Variants in STK32B observed in about 807,000 individuals in gnomAD.
STK32B encodes serine/threonine-protein kinase 32B.
In STK32B, 43 loss-of-function variants were observed where a neutral mutation model predicts 52.6. That is an observed-to-expected ratio of 0.82 (90% CI 0.64 to 1.05). STK32B has a LOEUF of 1.05. Among genes scored for constraint, STK32B ranks in the 50% least tolerant of loss-of-function variants. The pLI is 0.00. For missense variants in STK32B, 621 were observed against 534.6 expected, an observed-to-expected ratio of 1.16 and a Z score of -1.59; for synonymous variants, 238 against 204.3, an observed-to-expected ratio of 1.17 and a Z score of -1.41.
At chr4:5,040,431 G>A in the STK32B span, among the ~76,000 whole-genome samples, 4 of 138,826 alleles carry the variant, frequency 2.9e-5, no homozygotes, top group South Asian at 9.2e-4. Context: ...GTCTCGCTGT[G>A]TCGCCAGGCT....
rs116256652 is a variant in STK32B at position 5,317,797 on chromosome 4, T to C, written c.261-13423T>C. ...TAAGAGTTATTGACTTAAAAATCTA[T>C]TGATGAGCTGCTGTGTTCAGTAGGC... On this transcript the variant is annotated intron_variant, in intron 3 of 11. Transcript: ENST00000282908. Among the ~76,000 whole-genome samples the C allele has an allele frequency of 3.6e-3, 553 of 151,944 alleles. 3 individuals carry two copies. Among genetic ancestry groups the C allele is most frequent in the African/African-American group, 0.012 (499 of 41,408 alleles).
At chr4:5,101,695 G>A (rs1205085732) in intron 1 of STK32B, among the ~76,000 whole-genome samples, 1 of 151,972 alleles carries the variant, frequency 6.6e-6, no homozygotes, top group East Asian at 1.9e-4. Flanking sequence ...TCTTTAATTT[G>A]CATTTCCACC....
At chr4:5,261,557 T>G (rs781459667) in intron 3 of STK32B, among the ~76,000 whole-genome samples, 58 of 152,178 alleles carry the variant, frequency 3.8e-4, no homozygotes, top group Middle Eastern at 3.2e-3. Flanking sequence ...TCTGCAGAGT[T>G]TGCATTTTTA....
At chr4:5,176,438 C>CTTTTT (rs34628636) in intron 3 of STK32B, among the ~76,000 whole-genome samples, 2 of 111,958 alleles carry the variant, frequency 1.8e-5, no homozygotes, top group African/African-American at 7.1e-5. Flanking sequence ...CGGCCATCAT[C>CTTTTT]TTTTTTTTTT....
chr4:5,038,294 C>A, the STK32B span, among the ~76,000 whole-genome samples: 3 of 152,132 alleles, frequency 2.0e-5, no homozygotes, highest in Admixed American at 6.6e-5. Flanking sequence ...TTGGCCTCAA[C>A]GAGTCTGCAT....
the STK32B span, among the ~76,000 whole-genome samples, chr4:5,042,098 T>G: frequency 3.3e-4 from 51 of 152,322 alleles, no homozygotes; most frequent in African/African-American, 1.1e-3. Context: ...CTTGATTGTG[T>G]TCTCAGCAAG....
intron 1 of STK32B, among the ~76,000 whole-genome samples, chr4:5,063,310 C>A (rs187556220): frequency 6.6e-6 from 1 of 152,144 alleles, no homozygotes; most frequent in African/African-American, 2.4e-5. Context: ...TTTAATAATA[C>A]ATTTTATTTA....
intron 6 of STK32B, chr4:5,435,979 T>A (rs1714033417): frequency 2.6e-5 from 4 of 152,062 alleles, no homozygotes; most frequent in Admixed American, 2.6e-4. Flanking sequence ...CTTCTGTGAG[T>A]TGGGAAAGAG....
At chr4:5,377,814 G>T (rs1444458083) in intron 4 of STK32B, among the ~76,000 whole-genome samples, 1 of 152,164 alleles carries the variant, frequency 6.6e-6, no homozygotes, top group Admixed American at 6.5e-5. Flanking sequence ...ATGATTGTCA[G>T]TTTCCTGAGG....
At chr4:5,422,257 G>T (rs772685682) in intron 6 of STK32B, among the ~76,000 whole-genome samples, 1 of 152,214 alleles carries the variant, frequency 6.6e-6, no homozygotes, top group East Asian at 1.9e-4. Context: ...TTAAGGGAGA[G>T]CTCTCTCAAT....
intron 4 of STK32B, among the ~76,000 whole-genome samples, chr4:5,391,626 C>T (rs1011584099): frequency 1.3e-5 from 2 of 152,024 alleles, no homozygotes; most frequent in African/African-American, 2.4e-5. Context: ...CCAAGATGGT[C>T]TGGCCTGGCT....
At chr4:5,138,254 CTT>C (rs1440581144) in intron 1 of STK32B, among the ~76,000 whole-genome samples, 1 of 152,238 alleles carries the variant, frequency 6.6e-6, no homozygotes, top group Non-Finnish European at 1.5e-5. Flanking sequence ...TGGATTCTGA[CTT>C]TGGCTTGGCA....
chr4:5,036,582 T>A, the STK32B span, among the ~76,000 whole-genome samples: 1 of 151,966 alleles, frequency 6.6e-6, no homozygotes, highest in East Asian at 1.9e-4. Flanking sequence ...GTCACTGGTA[T>A]ATTGAGGCAA....
intron 4 of STK32B, among the ~76,000 whole-genome samples, chr4:5,349,904 G>A (rs1733718301): frequency 6.6e-6 from 1 of 152,098 alleles, no homozygotes; most frequent in African/African-American, 2.4e-5. Flanking sequence ...CTTGAAGACA[G>A]ATCTTTTGAA....
At chr4:5,465,023 A>G (rs1045618104) in intron 9 of STK32B, among the ~76,000 whole-genome samples, 3 of 152,148 alleles carry the variant, frequency 2.0e-5, no homozygotes, top group Admixed American at 6.5e-5. Flanking sequence ...GATGATGGAC[A>G]AAGCCCAGTG....
At chr4:5,023,208 C>T in the STK32B span, among the ~76,000 whole-genome samples, 5 of 152,058 alleles carry the variant, frequency 3.3e-5, no homozygotes, top group South Asian at 2.1e-4. Flanking sequence ...CTTCTGAGCC[C>T]GGAATTGTAA....
intron 11 of STK32B, among the ~76,000 whole-genome samples, chr4:5,472,212 C>T (rs1456481185): frequency 6.6e-6 from 1 of 152,202 alleles, no homozygotes; most frequent in Non-Finnish European, 1.5e-5. Flanking sequence ...CTTCAGGACT[C>T]GTGTCCTCAG....
intron 1 of STK32B, among the ~76,000 whole-genome samples, chr4:5,137,291 A>G (rs988672671): frequency 1.3e-5 from 2 of 152,216 alleles, no homozygotes; most frequent in African/African-American, 4.8e-5. Context: ...TCCTCATGGC[A>G]GCTGGTCCTG....
intron 4 of STK32B, among the ~76,000 whole-genome samples, chr4:5,388,137 G>A (rs1228541496): frequency 1.3e-5 from 2 of 152,188 alleles, no homozygotes; most frequent in African/African-American, 4.8e-5. Context: ...ATAATGCTGG[G>A]TCTCTAGGGC....
Sources: allele counts gnomAD v4.1 joint callset (sites outside exome capture counted in the v4.1 genomes callset), GRCh38; gene constraint gnomAD v4.1.1; transcripts MANE v1.5; gene names NCBI Gene and HGNC (gene_info 2026-07-23, HGNC 2026-07-21).